PRKN: variants seen among roughly 807,000 people sequenced by gnomAD.
PRKN encodes parkin RBR E3 ubiquitin protein ligase.
A neutral mutation model predicts 59.5 loss-of-function variants in PRKN; 56 were observed. The ratio of observed to expected loss-of-function variants is 0.94; its 90% CI spans 0.76 to 1.18. The LOEUF (loss-of-function observed/expected upper bound fraction) is 1.18. Among genes scored for constraint, PRKN ranks in the 50% most tolerant of loss-of-function variants. PRKN has a pLI of 0.00. For synonymous variants in PRKN, 250 were observed against 222.1 expected (o/e 1.13, Z -1.12); for missense variants, 657 against 596.4 (o/e 1.10, Z -1.06).
At chr6:161,674,364 T>C (rs1785014497) in intron 7 of PRKN, among the ~76,000 whole-genome samples, 1 of 152,118 alleles carries the variant, frequency 6.6e-6, no homozygotes, top group African/African-American at 2.4e-5. Context: ...AATTTTAAAT[T>C]ACCACACTCA....
chr6:161,733,283 TTAAAAGAACTGAGTAAGATAA>T (rs1415218851), intron 7 of PRKN, among the ~76,000 whole-genome samples: 4 of 152,268 alleles, frequency 2.6e-5, no homozygotes, highest in East Asian at 3.9e-4. Context: ...TAAGCCAGAA[TTAAAAGAACTGAGTAAGATAA>T]TCTCATGAAA....
intron 2 of PRKN, among the ~76,000 whole-genome samples, chr6:162,436,337 T>C (rs2128164930): frequency 6.8e-6 from 1 of 147,944 alleles, no homozygotes; most frequent in Non-Finnish European, 1.5e-5. Context: ...GATCATCTGT[T>C]TCCTTTTTTT....
chr6:162,268,702 G>C (rs183078958), intron 2 of PRKN, among the ~76,000 whole-genome samples: 5 of 152,124 alleles, frequency 3.3e-5, no homozygotes, highest in South Asian at 2.1e-4. Flanking sequence ...CCCAGCTCCC[G>C]AGTGTGAAGC....
chr6:162,277,375 G>A lies in PRKN; in HGVS notation c.172-14610C>T, dbSNP rs187806542. ...TTTAACCCAAATTTAGCAATGAGGA[G>A]ACAATAAAACAAATCGAGGTTGCAG... is the stretch of plus-strand genomic sequence containing the variant. On this transcript the variant is annotated intron_variant, in intron 2 of 11. Coordinates refer to ENST00000366898, the MANE Select transcript of PRKN (RefSeq NM_004562.3). Among the ~76,000 whole-genome samples, 130 of 152,236 alleles carry A rather than the reference G, an allele frequency of 8.5e-4. 1 individual carries two copies. The highest frequency in any genetic ancestry group is 3.1e-3 in the African/African-American group (127 of 41,556).
At chr6:162,136,355 C>T (rs1017879282) in intron 4 of PRKN, among the ~76,000 whole-genome samples, 1 of 152,070 alleles carries the variant, frequency 6.6e-6, no homozygotes, top group South Asian at 2.1e-4. Flanking sequence ...CTCAGTAATA[C>T]ATATGCAAGT....
chr6:161,845,720 GGT>G (rs1377334366), intron 6 of PRKN, among the ~76,000 whole-genome samples: 1 of 152,160 alleles, frequency 6.6e-6, no homozygotes, highest in Non-Finnish European at 1.5e-5. Context: ...CTCAGACAAT[GGT>G]CAAATCAGGT....
intron 2 of PRKN, among the ~76,000 whole-genome samples, chr6:162,359,863 G>T (rs1197862896): frequency 2.6e-5 from 4 of 152,104 alleles, no homozygotes; most frequent in African/African-American, 9.7e-5. Flanking sequence ...TCTCTTCAAA[G>T]AACCCATCAA....
intron 10 of PRKN, among the ~76,000 whole-genome samples, chr6:161,383,253 A>T (rs1478601441): frequency 6.6e-6 from 1 of 152,240 alleles, no homozygotes; most frequent in Non-Finnish European, 1.5e-5. Flanking sequence ...TCATTCTGTT[A>T]TCAAATCGAA....
intron 4 of PRKN, among the ~76,000 whole-genome samples, chr6:162,152,215 T>C (rs1782302652): frequency 6.6e-6 from 1 of 152,308 alleles, no homozygotes; most frequent in South Asian, 2.1e-4. Flanking sequence ...GAGCTTTTCA[T>C]TGATTAAGTA....
At chr6:162,062,726 T>C (rs1474579384) in intron 4 of PRKN, among the ~76,000 whole-genome samples, 1 of 152,168 alleles carries the variant, frequency 6.6e-6, no homozygotes, top group African/African-American at 2.4e-5. Flanking sequence ...ATTTCTATTG[T>C]TTACGCTTTC....
rs1787688299 is a variant in PRKN, at chr6:161,413,496, C to A, written c.1084-26619G>T. On this transcript the variant is annotated intron_variant, in intron 9 of 11. Coordinates refer to ENST00000366898, the MANE Select transcript of PRKN (RefSeq NM_004562.3). The surrounding 1 kb of genome is among the most constrained non-coding windows in gnomAD (Gnocchi z 4.4). ...TGGGAATGGAAGCCAAGTGGGCATG[C>A]TGCAGTGAGAACTGGGGGAGAAGGC... Among the ~76,000 whole-genome samples, 1 of 152,200 alleles carries A rather than the reference C, an allele frequency of 6.6e-6. No homozygotes were observed. Among genetic ancestry groups the A allele is most frequent in the Admixed American group, 6.5e-5 (1 of 15,292 alleles).
At chr6:162,464,085 T>C (rs1008390312) in intron 1 of PRKN, among the ~76,000 whole-genome samples, 4 of 152,224 alleles carry the variant, frequency 2.6e-5, no homozygotes, top group African/African-American at 9.6e-5. Flanking sequence ...TAAATGCTTA[T>C]ACATAACAAG....
chr6:161,350,089 G>A lies in PRKN; in HGVS notation c.*10C>T, dbSNP rs776761587. On this transcript the variant is annotated 3_prime_UTR_variant, in exon 12 of 12. Transcript: ENST00000366898. ...CCAGGATGTGGCGATGGGGCGCCCG[G>A]CCGCCCTGGCTACACGTCGAACCAG... is the stretch of plus-strand genomic sequence containing the variant. 3.1e-6 allele frequency: 5 copies of A among 1,595,038 alleles called. No homozygotes were observed. In the South Asian group the frequency reaches 4.4e-5, roughly 14 times the overall value.
At chr6:161,816,236 G>T (rs1791776163) in intron 6 of PRKN, among the ~76,000 whole-genome samples, 1 of 152,066 alleles carries the variant, frequency 6.6e-6, no homozygotes, top group Non-Finnish European at 1.5e-5. Context: ...GATGCTGTGT[G>T]AAAGAAGACA....
intron 8 of PRKN, among the ~76,000 whole-genome samples, chr6:161,559,421 T>C: frequency 6.6e-6 from 1 of 152,140 alleles, no homozygotes; most frequent in Non-Finnish European, 1.5e-5. Context: ...GAAAGCAGGG[T>C]TGTCTGTGGC....
chr6:162,423,817 A>T (rs953124138), intron 2 of PRKN, among the ~76,000 whole-genome samples: 3 of 152,180 alleles, frequency 2.0e-5, no homozygotes, highest in African/African-American at 7.2e-5. Context: ...ATATTTATCC[A>T]GTGCCTACCC....
chr6:162,668,989 C>T (rs1172134605), intron 1 of PRKN, among the ~76,000 whole-genome samples: 1 of 152,120 alleles, frequency 6.6e-6, no homozygotes, highest in African/African-American at 2.4e-5. Context: ...CACAATGATT[C>T]CCGTTTGAGA....
intron 2 of PRKN, among the ~76,000 whole-genome samples, chr6:162,308,578 T>C (rs1245266972): frequency 6.6e-6 from 1 of 152,226 alleles, no homozygotes; most frequent in Non-Finnish European, 1.5e-5. Context: ...GATATTAGTC[T>C]ATTTTCTCCC....
At chr6:161,570,161 A>T (rs1234845449) in intron 7 of PRKN, among the ~76,000 whole-genome samples, 1 of 142,024 alleles carries the variant, frequency 7.0e-6, no homozygotes, top group East Asian at 2.0e-4. Flanking sequence ...ATATATATAT[A>T]TATATATGCA....
Sources: allele counts gnomAD v4.1 joint callset (sites outside exome capture counted in the v4.1 genomes callset), GRCh38; gene constraint gnomAD v4.1.1; non-coding constraint Gnocchi (gnomAD v3.1); transcripts MANE v1.5; gene names NCBI Gene and HGNC (gene_info 2026-07-23, HGNC 2026-07-21).